Variants in MAP3K1 observed in about 807,000 individuals in gnomAD.
MAP3K1 encodes MAP/ERK kinase kinase 1.
Under a neutral mutation model 144.2 loss-of-function variants are expected in MAP3K1, and 36 were observed. That is an observed-to-expected ratio of 0.25 (90% CI 0.19 to 0.33). The LOEUF (loss-of-function observed/expected upper bound fraction) is 0.33, where lower values mean the gene tolerates loss of function less well. Ranked by LOEUF, MAP3K1 falls within the 10% of genes least tolerant of loss-of-function variation. The probability of loss-of-function intolerance (pLI) is 1.00; values close to 1 mark genes in which losing one functional copy is unlikely to be tolerated. For synonymous variants in MAP3K1, 718 were observed against 688.7 expected (o/e 1.04, Z -0.67); for missense variants, 1,650 against 1,881.9 (o/e 0.88, Z 2.28).
chr5:56,856,118 A>G (rs1328565106), intron 1 of MAP3K1, among the ~76,000 whole-genome samples: 10 of 152,226 alleles, frequency 6.6e-5, no homozygotes, highest in Admixed American at 1.3e-4. Flanking sequence ...AAATTTAATC[A>G]TGTAGGCTAT....
intron 1 of MAP3K1, among the ~76,000 whole-genome samples, chr5:56,843,615 CA>C (rs1165759458): frequency 6.6e-6 from 1 of 152,118 alleles, no homozygotes; most frequent in African/African-American, 2.4e-5. Flanking sequence ...TGGACTGGAC[CA>C]GGGGCAAATC....
intron 1 of MAP3K1, among the ~76,000 whole-genome samples, chr5:56,830,812 T>C (rs879634127): frequency 6.6e-5 from 10 of 152,112 alleles, no homozygotes; most frequent in East Asian, 1.9e-4. Context: ...CTAAATCTTA[T>C]ATTGGTTAAA....
At chr5:56,860,853 CAAAAAAAA>C (rs1033540557) in intron 3 of MAP3K1, among the ~76,000 whole-genome samples, 5 of 140,300 alleles carry the variant, frequency 3.6e-5, no homozygotes, top group Non-Finnish European at 7.8e-5. Context: ...AACTCCATCT[CAAAAAAAA>C]AAGAAAAAAA....
At chr5:56,846,813 A>C (rs1747011744) in intron 1 of MAP3K1, among the ~76,000 whole-genome samples, 1 of 152,228 alleles carries the variant, frequency 6.6e-6, no homozygotes, top group African/African-American at 2.4e-5. Flanking sequence ...TCATTATTGT[A>C]TAAATTTGTT....
intron 13 of MAP3K1, 31 bp from the exon 14 acceptor site, chr5:56,881,539 T>C (rs751519989): frequency 6.5e-7 from 1 of 1,527,102 alleles, no homozygotes; most frequent in South Asian, 1.1e-5. Context: ...TAATTGGAAC[T>C]TATATGGTAA....
At chr5:56,859,037 T>C (rs1277339902) in intron 2 of MAP3K1, among the ~76,000 whole-genome samples, 1 of 143,062 alleles carries the variant, frequency 7.0e-6, no homozygotes, top group African/African-American at 2.6e-5. Flanking sequence ...CCTTTGGTCA[T>C]GGCTAGATTA....
chr5:56,850,495 TTAATC>T (rs901483308), intron 1 of MAP3K1, among the ~76,000 whole-genome samples: 3 of 152,254 alleles, frequency 2.0e-5, no homozygotes, highest in Non-Finnish European at 2.9e-5. Flanking sequence ...ATTATTATAA[TTAATC>T]AAATCGTCAC....
chr5:56,859,515 A>G (rs570954625), intron 2 of MAP3K1, among the ~76,000 whole-genome samples, 200 bp from the exon 3 acceptor site: 2 of 152,312 alleles, frequency 1.3e-5, no homozygotes, highest in East Asian at 1.9e-4. Flanking sequence ...TAAATCCTAA[A>G]TGACTGAAAT....
intron 1 of MAP3K1, among the ~76,000 whole-genome samples, chr5:56,826,984 T>G (rs892807741): frequency 1.3e-5 from 2 of 152,158 alleles, no homozygotes; most frequent in Non-Finnish European, 2.9e-5. Flanking sequence ...GAGGCTTTTT[T>G]GGGAAATGTG....
chr5:56,867,899 A>T (rs548026541), intron 6 of MAP3K1, among the ~76,000 whole-genome samples: 273 of 152,326 alleles, frequency 1.8e-3, no homozygotes, highest in Non-Finnish European at 2.9e-3. Flanking sequence ...CCATGTTACA[A>T]ATGTCATGTA....
intron 1 of MAP3K1, among the ~76,000 whole-genome samples, chr5:56,836,981 GA>G (rs1264128092): frequency 6.6e-6 from 1 of 152,172 alleles, no homozygotes; most frequent in African/African-American, 2.4e-5. Flanking sequence ...TGACACTCTA[GA>G]AAACAGATGC....
chr5:56,847,457 C>T (rs573291961), intron 1 of MAP3K1, among the ~76,000 whole-genome samples: 40 of 152,218 alleles, frequency 2.6e-4, no homozygotes, highest in African/African-American at 6.7e-4. Context: ...ATTAGCTGGG[C>T]GTTGTGTTGG....
intron 1 of MAP3K1, among the ~76,000 whole-genome samples, chr5:56,824,550 G>A (rs1746251724): frequency 6.6e-6 from 1 of 152,204 alleles, no homozygotes; most frequent in Non-Finnish European, 1.5e-5. Context: ...GCAGTCGGGG[G>A]CCACCTAGCA....
chr5:56,881,216 A>T lies in MAP3K1; in HGVS notation c.2313A>T (p.Glu771Asp), dbSNP rs771299498. Residue 771 changes from glutamate (E) to aspartate (D), a missense_variant, in exon 13 of 20, where the codon GAA becomes GAT. Glu to Asp is a conservative substitution (Grantham distance 45, BLOSUM62 2). Coordinates refer to ENST00000399503, the MANE Select transcript of MAP3K1 (RefSeq NM_005921.2). The part of the protein sequence containing the change: ...IDRLLLEFPA[E>D]FYPHIVSTDV... Reference sequence around the variant, plus strand: ...GACTGTTGTTGGAATTTCCTGCTGAATTTTATCCTCATATTGTCAGTACTG... The same window carrying T: ...GACTGTTGTTGGAATTTCCTGCTGATTTTTATCCTCATATTGTCAGTACTG... 1 of 1,613,640 alleles carries T rather than the reference A, an allele frequency of 6.2e-7. No homozygotes were observed. Among genetic ancestry groups the T allele is most frequent in the Non-Finnish European group, 8.5e-7 (1 of 1,179,932 alleles).
intron 1 of MAP3K1, among the ~76,000 whole-genome samples, chr5:56,846,862 A>G (rs1279145226): frequency 6.6e-6 from 1 of 152,234 alleles, no homozygotes; most frequent in African/African-American, 2.4e-5. Context: ...TAGAAGAAAG[A>G]ACTTTTCTTT....
At chr5:56,853,972 T>G (rs1375770636) in intron 1 of MAP3K1, among the ~76,000 whole-genome samples, 1 of 152,122 alleles carries the variant, frequency 6.6e-6, no homozygotes, top group Non-Finnish European at 1.5e-5. Context: ...AGATTCAAAG[T>G]TAAAGAAGCC....
chr5:56,859,124 TC>T (rs1403609673), intron 2 of MAP3K1, among the ~76,000 whole-genome samples: 2 of 149,788 alleles, frequency 1.3e-5, no homozygotes, highest in Admixed American at 1.3e-4. Flanking sequence ...GAGAAATTGA[TC>T]TTTAAACTTC....
chr5:56,848,750 G>A (rs1335178270), intron 1 of MAP3K1, among the ~76,000 whole-genome samples: 1 of 152,212 alleles, frequency 6.6e-6, no homozygotes, highest in East Asian at 1.9e-4. Context: ...ACTAATCCAT[G>A]ATTTAGGGTA....
Position 56,881,723 on chromosome 5 carries a change from G to T in MAP3K1, c.2523G>T (p.Leu841=). ...TGTTTTCAAAACTGTTAGAAATGCT[G>T]AGTGTTTCCAGTTCCACTCACTTCA... ...PHVFSKLLEM[L]SVSSSTHFTR... is the part of the protein sequence containing the mutation. Residue 841 remains leucine (L), a synonymous_variant, in exon 14 of 20, where the codon CTG becomes CTT. Coordinates refer to ENST00000399503, the MANE Select transcript of MAP3K1 (RefSeq NM_005921.2). 1 of 1,614,090 alleles carries T rather than the reference G, an allele frequency of 6.2e-7. No homozygotes were observed.
Sources: gnomAD v4.1 joint callset for allele counts (sites outside exome capture counted in the v4.1 genomes callset) on GRCh38, gnomAD v4.1.1 for gene constraint, MANE v1.5 for transcripts, NCBI Gene and HGNC (gene_info 2026-07-23, HGNC 2026-07-21) for gene names.